The following MAP3K1 variants were observed in gnomAD, a reference collection of about 807,000 sequenced individuals.
MAP3K1 encodes MAP/ERK kinase kinase 1.
A neutral mutation model predicts 144.2 loss-of-function variants in MAP3K1; 36 were observed. That is an observed-to-expected ratio of 0.25 (90% CI 0.19 to 0.33). The LOEUF is 0.33. Ranked by LOEUF, MAP3K1 falls within the 10% of genes least tolerant of loss-of-function variation. The pLI, the probability that MAP3K1 is intolerant of heterozygous loss-of-function variation, is 1.00. For synonymous variants in MAP3K1, 718 were observed against 688.7 expected, an observed-to-expected ratio of 1.04 and a Z score of -0.67; for missense variants, 1,650 against 1,881.9, an observed-to-expected ratio of 0.88 and a Z score of 2.28.
At chr5:56,831,476 A>G (rs1230250067) in intron 1 of MAP3K1, among the ~76,000 whole-genome samples, 1 of 152,130 alleles carries the variant, frequency 6.6e-6, no homozygotes, top group Non-Finnish European at 1.5e-5. Context: ...TTTTTAACCC[A>G]TGATTTCTAA....
intron 14 of MAP3K1, among the ~76,000 whole-genome samples, 181 bp from the exon 15 acceptor site, chr5:56,883,346 G>A (rs905253814): frequency 4.6e-5 from 7 of 152,152 alleles, no homozygotes; most frequent in Non-Finnish European, 8.8e-5. Flanking sequence ...GGGCATTTCC[G>A]GTTAATTGTA....
At position 56,815,597 on chromosome 5, in the gene MAP3K1, C is replaced by G; in HGVS notation, c.24C>G (p.Arg8=). The G allele has an allele frequency of 1.5e-6, 2 of 1,302,502 alleles. No individual in the cohort carries two copies. The highest frequency in any genetic ancestry group is 2.2e-5 in the South Asian group (1 of 45,606). 80.7% of individuals were successfully genotyped at this position (1,302,502 alleles called of 1,614,324 possible). A position where few individuals can be genotyped will look rare whatever the true frequency, so the allele number is the denominator to read the frequency against. ...AAATGGCGGCGGCGGCGGGGAATCG[C>G]GCCTCGTCGTCGGGATTCCCGGGCG... MAAAAGN[R]ASSSGFPGAR... is the part of the protein sequence containing the mutation. The change falls in exon 1 of 20, where the codon CGC becomes CGG. Residue 8 remains arginine, a synonymous_variant. Transcript: ENST00000399503.
rs942349979 is a variant in MAP3K1 at position 56,871,902 on chromosome 5, T to C, written c.1302-8T>C. 8.7e-6 allele frequency: 14 copies of C among 1,613,624 alleles called. No homozygotes were observed. Among genetic ancestry groups the C allele is most frequent in the Non-Finnish European group, 1.2e-5 (14 of 1,179,664 alleles). ...ATGCTTAATACTTTTTCTTCCCCTT[T>C]TCTATAGCATAAAGGATGAAGAGGA... On this transcript the variant is annotated splice_region_variant and splice_polypyrimidine_tract_variant and intron_variant, in intron 6 of 19. Transcript: ENST00000399503.
intron 3 of MAP3K1, chr5:56,862,204 C>G (rs183947570): frequency 2.6e-5 from 4 of 152,374 alleles, no homozygotes; most frequent in African/African-American, 9.6e-5. Context: ...TACTGGAACA[C>G]TTGGGGGGCT....
intron 7 of MAP3K1, 39 bp from the exon 8 acceptor site, chr5:56,872,602 T>C (rs771071276): frequency 8.7e-7 from 1 of 1,155,808 alleles, no homozygotes; most frequent in African/African-American, 1.5e-5. Context: ...ATGTTAAACA[T>C]TTACATTTTT....
chr5:56,859,619 A>G lies in MAP3K1; in HGVS notation c.634-96A>G, dbSNP rs913288786. The G allele has an allele frequency of 1.0e-5, 9 of 869,998 alleles. No individual in the cohort carries two copies. The African/African-American group carries it at 1.5e-4, about 15-fold the overall frequency. The allele number at this position is 869,998 out of a possible 1,614,324, so 53.9% of individuals were successfully genotyped here. A position where few individuals can be genotyped will look rare whatever the true frequency, so the allele number is the denominator to read the frequency against. Reference sequence around the variant, plus strand: ...GTATACTGGTATAATATTTCATAACAAAAACTCATTAAGTGTATTTCCTAG... The same window carrying G: ...GTATACTGGTATAATATTTCATAACGAAAACTCATTAAGTGTATTTCCTAG... On this transcript the variant is annotated intron_variant, in intron 2 of 19. Transcript: ENST00000399503.
At chr5:56,831,558 C>T (rs1357388901) in intron 1 of MAP3K1, among the ~76,000 whole-genome samples, 1 of 152,140 alleles carries the variant, frequency 6.6e-6, no homozygotes, top group African/African-American at 2.4e-5. Flanking sequence ...TTAGTTTGCA[C>T]TTTCAAAAAT....
intron 1 of MAP3K1, among the ~76,000 whole-genome samples, chr5:56,853,004 TA>T (rs796131514): frequency 6.6e-6 from 1 of 152,156 alleles, no homozygotes; most frequent in Non-Finnish European, 1.5e-5. Flanking sequence ...TACAAGTATG[TA>T]AAAAAATTTT....
intron 1 of MAP3K1, among the ~76,000 whole-genome samples, chr5:56,847,010 A>G (rs183078594): frequency 3.9e-5 from 6 of 152,354 alleles, no homozygotes; most frequent in Admixed American, 1.3e-4. Context: ...TCTGAGAGAC[A>G]TGAGTGTGCC....
intron 2 of MAP3K1, among the ~76,000 whole-genome samples, chr5:56,859,272 A>G (rs1303929426): frequency 6.6e-6 from 1 of 152,172 alleles, no homozygotes; most frequent in African/African-American, 2.4e-5. Context: ...TGTTGTTTCA[A>G]GGTCCTACAT....
intron 1 of MAP3K1, among the ~76,000 whole-genome samples, chr5:56,824,967 G>A (rs570796062): frequency 6.6e-6 from 1 of 151,492 alleles, no homozygotes; most frequent in South Asian, 2.1e-4. Context: ...TTGAGACGGA[G>A]TCTTAAAGAT....
chr5:56,874,620 GTTTT>G (rs1747958034), intron 9 of MAP3K1, among the ~76,000 whole-genome samples: 1 of 151,812 alleles, frequency 6.6e-6, no homozygotes, highest in Non-Finnish European at 1.5e-5. Flanking sequence ...TTTTTGATTT[GTTTT>G]TTGTTTGTTT....
At chr5:56,861,706 A>G (rs984804569) in intron 3 of MAP3K1, among the ~76,000 whole-genome samples, 8 of 152,310 alleles carry the variant, frequency 5.3e-5, no homozygotes, top group African/African-American at 1.9e-4. Context: ...AGAAGCAGCT[A>G]TGAGAATCTT....
At chr5:56,850,712 C>G (rs143371227) in intron 1 of MAP3K1, among the ~76,000 whole-genome samples, 2 of 152,124 alleles carry the variant, frequency 1.3e-5, no homozygotes, top group African/African-American at 4.8e-5. Context: ...CATAACCCAG[C>G]CTCCCCAAGC....
In MAP3K1 at chr5:56,859,808, C is replaced by G; in HGVS notation, c.727C>G (p.Pro243Ala). ...AGAGGTCCAGGCAAGTGCGGCTTCACCAGCTTCCAAAGGCCGACGCAGTCC... is the reference window on the plus strand; with the variant it reads ...AGAGGTCCAGGCAAGTGCGGCTTCAGCAGCTTCCAAAGGCCGACGCAGTCC... The part of the protein sequence containing the change: ...PGEVQASAAS[P>A]ASKGRRSPSP... Residue 243 changes from proline (P) to alanine (A), a missense_variant, in exon 3 of 20, where the codon CCA becomes GCA. By Grantham distance (27) the Pro-to-Ala change is conservative. Transcript: ENST00000399503. 1 of 1,614,028 alleles carries G rather than the reference C, an allele frequency of 6.2e-7. No individual in the cohort carries two copies. The highest frequency in any genetic ancestry group is 8.5e-7 in the Non-Finnish European group (1 of 1,179,986).
In MAP3K1 at chr5:56,881,571, T is replaced by C; in HGVS notation, c.2371T>C (p.Tyr791His). The change falls in exon 14 of 20, where the codon TAT becomes CAT. Residue 791 changes from tyrosine (Y) to histidine (H), a missense_variant and splice_region_variant. By Grantham distance (83) the Tyr-to-His change is moderately conservative (BLOSUM62 2). This residue lies in a region of MAP3K1 where 841 missense variants were observed against 886.5 expected (regional missense o/e 0.95). Coordinates refer to ENST00000399503, the MANE Select transcript of MAP3K1 (RefSeq NM_005921.2). ...VSQAEPVEIR[Y>H]KKLLSLLTFA... ...GTAATGAATGTTTTTTTCTTTCAGG[T>C]ATAAGAAGCTGCTGTCCCTCTTAAC... 1 of 1,607,578 alleles carries C rather than the reference T, an allele frequency of 6.2e-7. No individual in the cohort carries two copies. Among genetic ancestry groups the C allele is most frequent in the Admixed American group, 1.7e-5 (1 of 59,980 alleles).
intron 1 of MAP3K1, 112 bp downstream of exon 1, chr5:56,816,167 C>T (rs1004355627): frequency 1.9e-6 from 2 of 1,075,540 alleles, no homozygotes; most frequent in Admixed American, 4.7e-5. Flanking sequence ...CGAGGCTACG[C>T]GCCGCTCGCC....
chr5:56,885,903 T>G, intron 16 of MAP3K1, 29 bp from the exon 17 acceptor site: 2 of 1,604,556 alleles, frequency 1.2e-6, no homozygotes, highest in Non-Finnish European at 1.7e-6. Flanking sequence ...TGTCTTAAGT[T>G]TATGATAATT....
Position 56,882,090 on chromosome 5 carries a change from A to G in MAP3K1, c.2890A>G (p.Ser964Gly). 1 of 1,614,132 alleles carries G rather than the reference A, an allele frequency of 6.2e-7. No individual in the cohort carries two copies. The highest frequency in any genetic ancestry group is 8.5e-7 in the Non-Finnish European group (1 of 1,180,042). Reference protein sequence around the residue: ...PMVQTKGRPHSQCLNSSPLSH... With the variant: ...PMVQTKGRPHGQCLNSSPLSH... ...GGTTCAAACAAAAGGCAGACCCCAC[A>G]GTCAGTGTTTGAACTCCTCTCCTTT... Residue 964 changes from serine (S) to glycine (G), a missense_variant, in exon 14 of 20, where the codon AGT (serine) becomes GGT (glycine). Around this residue, in one of 6 missense-constraint regions of MAP3K1, gnomAD observed 841 missense variants for 886.5 expected, o/e 0.95. Coordinates refer to ENST00000399503, the MANE Select transcript of MAP3K1 (RefSeq NM_005921.2).
Sources: gnomAD v4.1 joint callset for allele counts (sites outside exome capture counted in the v4.1 genomes callset) on GRCh38, gnomAD v4.1.1 for gene constraint, gnomAD v4.1.1 regional missense constraint, MANE v1.5 for transcripts, NCBI Gene and HGNC (gene_info 2026-07-23, HGNC 2026-07-21) for gene names.